Variants in PRCP observed in about 807,000 individuals in gnomAD.
The protein encoded by PRCP is prolylcarboxypeptidase, also known as lysosomal Pro-X carboxypeptidase.
In PRCP, 46 loss-of-function variants were observed where a neutral mutation model predicts 54.2. The observed-to-expected ratio is 0.85, with a 90% CI of 0.67 to 1.09. The LOEUF (loss-of-function observed/expected upper bound fraction) is 1.09, where lower values mean the gene tolerates loss of function less well. Among genes scored for constraint, PRCP ranks in the 50% least tolerant of loss-of-function variants. PRCP has a pLI of 0.00. For missense variants in PRCP, 613 were observed against 596.8 expected (o/e 1.03, Z -0.28); for synonymous variants, 240 against 212.2 (o/e 1.13, Z -1.14).
chr11:82,839,134 A>G, intron 7 of PRCP, 127 bp downstream of exon 7: 1 of 892,290 alleles, frequency 1.1e-6, no homozygotes, highest in South Asian at 1.7e-5. Flanking sequence ...GTATCACAGC[A>G]TAAGGTAACA....
chr11:82,827,564 A>C (rs780730996), intron 8 of PRCP: 9 of 152,196 alleles, frequency 5.9e-5, no homozygotes, highest in Non-Finnish European at 1.3e-4. Context: ...AAAAATCAAT[A>C]TGCCATACAT....
intron 1 of PRCP, among the ~76,000 whole-genome samples, chr11:82,884,389 C>G (rs556726375): frequency 6.6e-6 from 1 of 152,242 alleles, no homozygotes; most frequent in East Asian, 1.9e-4. Context: ...GAAACCCCAT[C>G]TCTACAAAAA....
chr11:82,888,118 T>C (rs1859910870), intron 1 of PRCP, among the ~76,000 whole-genome samples: 1 of 152,250 alleles, frequency 6.6e-6, no homozygotes, highest in Admixed American at 6.5e-5. Context: ...TATTTTATTA[T>C]AGGGGCATTG....
At chr11:82,826,527 A>G (rs566336026) in intron 8 of PRCP, 2 of 152,340 alleles carry the variant, frequency 1.3e-5, no homozygotes, top group South Asian at 4.1e-4. Flanking sequence ...TTAATTAGCT[A>G]CCAGACTACT....
chr11:82,895,723 T>G (rs1354695537), intron 1 of PRCP, among the ~76,000 whole-genome samples: 1 of 151,608 alleles, frequency 6.6e-6, no homozygotes, highest in Non-Finnish European at 1.5e-5. Flanking sequence ...GGAAGAAAAA[T>G]TTAAAGGAGG....
chr11:82,869,943 G>T (rs1002779806), intron 1 of PRCP, among the ~76,000 whole-genome samples: 1 of 152,214 alleles, frequency 6.6e-6, no homozygotes, highest in Non-Finnish European at 1.5e-5. Context: ...GGAAATGCAT[G>T]CCTTCTGCTG....
chr11:82,888,186 G>A (rs191239542), intron 1 of PRCP, among the ~76,000 whole-genome samples: 46 of 152,258 alleles, frequency 3.0e-4, no homozygotes, highest in Admixed American at 3.9e-4. Context: ...CATACATACC[G>A]TACAACCAAA....
intron 4 of PRCP, 69 bp from the exon 5 acceptor site, chr11:82,850,140 C>T (rs907042441): frequency 5.9e-6 from 5 of 846,748 alleles, no homozygotes; most frequent in Non-Finnish European, 7.9e-6. Context: ...ATATATATGT[C>T]ATCTAAATCA....
intron 1 of PRCP, among the ~76,000 whole-genome samples, chr11:82,878,447 T>C (rs1185616390): frequency 6.6e-6 from 1 of 152,242 alleles, no homozygotes; most frequent in Non-Finnish European, 1.5e-5. Flanking sequence ...AATTCCTACA[T>C]GTTGTGGGAG....
intron 1 of PRCP, among the ~76,000 whole-genome samples, chr11:82,888,419 C>A (rs937288036): frequency 5.9e-5 from 9 of 152,228 alleles, no homozygotes; most frequent in South Asian, 2.1e-4. Context: ...ACACAGTTAA[C>A]TGGCTTCCAC....
intron 1 of PRCP, among the ~76,000 whole-genome samples, chr11:82,892,371 T>C (rs963317405): frequency 1.3e-5 from 2 of 152,158 alleles, no homozygotes; most frequent in African/African-American, 4.8e-5. Flanking sequence ...TGTTCATTCA[T>C]TCACTTCTCA....
At chr11:82,835,567 C>T in intron 8 of PRCP, 1 of 287,280 alleles carries the variant, frequency 3.5e-6, no homozygotes, top group Non-Finnish European at 6.7e-6. Flanking sequence ...AAGAAGAATC[C>T]CTTTATGTTA....
intron 1 of PRCP, 82 bp downstream of exon 1, chr11:82,900,153 G>A: frequency 6.6e-7 from 1 of 1,518,896 alleles, no homozygotes; most frequent in Non-Finnish European, 9.0e-7. Flanking sequence ...TGAATTTCGA[G>A]GTAGGCTCCG....
At chr11:82,887,384 C>T (rs1265202654) in intron 1 of PRCP, among the ~76,000 whole-genome samples, 1 of 152,136 alleles carries the variant, frequency 6.6e-6, no homozygotes, top group East Asian at 1.9e-4. Flanking sequence ...AGGAAGAGTT[C>T]AACAAATATT....
At chr11:82,865,296 A>C (rs1428452745) in intron 1 of PRCP, among the ~76,000 whole-genome samples, 1 of 152,204 alleles carries the variant, frequency 6.6e-6, no homozygotes, top group Non-Finnish European at 1.5e-5. Context: ...TATAAACTTC[A>C]ACCCTCGGTA....
At chr11:82,852,593 A>G (rs1858983310) in intron 3 of PRCP, among the ~76,000 whole-genome samples, 1 of 152,250 alleles carries the variant, frequency 6.6e-6, no homozygotes, top group African/African-American at 2.4e-5. Context: ...AATATAGCCA[A>G]AGTCACAAGT....
intron 6 of PRCP, among the ~76,000 whole-genome samples, chr11:82,847,616 T>G (rs189752875): frequency 6.6e-6 from 1 of 152,306 alleles, no homozygotes; most frequent in Non-Finnish European, 1.5e-5. Flanking sequence ...TCTTTACTTT[T>G]CTTTTTTTGA....
At chr11:82,841,055 TAG>T (rs1858654802) in intron 6 of PRCP, among the ~76,000 whole-genome samples, 1 of 149,580 alleles carries the variant, frequency 6.7e-6, no homozygotes, top group African/African-American at 2.5e-5. Flanking sequence ...ATATATATAA[TAG>T]ACTAGTCCTG....
intron 1 of PRCP, among the ~76,000 whole-genome samples, chr11:82,882,669 G>C (rs1034608882): frequency 1.3e-5 from 2 of 150,200 alleles, no homozygotes; most frequent in Non-Finnish European, 2.9e-5. Flanking sequence ...CTAATTTTTT[G>C]TATTTTTAGT....
Sources: gnomAD v4.1 joint callset for allele counts (sites outside exome capture counted in the v4.1 genomes callset) on GRCh38, gnomAD v4.1.1 for gene constraint, MANE v1.5 for transcripts, NCBI Gene and HGNC (gene_info 2026-07-23, HGNC 2026-07-21) for gene names.